The following GPR176 variants were observed in gnomAD, a reference collection of about 807,000 sequenced individuals.
The protein encoded by GPR176 is G protein-coupled receptor 176.
GPR176 carries 26 observed loss-of-function variants against 35.4 expected under a neutral mutation model. That is an observed-to-expected ratio of 0.74 (90% CI 0.54 to 1.02). The LOEUF (loss-of-function observed/expected upper bound fraction) is 1.02. Ranked by LOEUF, GPR176 falls within the 50% of genes least tolerant of loss-of-function variation. The pLI, the probability that GPR176 is intolerant of heterozygous loss-of-function variation, is 0.00. For synonymous variants in GPR176, 278 were observed against 271.3 expected (o/e 1.02, Z -0.24); for missense variants, 597 against 665.3 (o/e 0.90, Z 1.13).
chr15:39,907,662 G>C (rs2033461293), intron 1 of GPR176, among the ~76,000 whole-genome samples: 1 of 152,162 alleles, frequency 6.6e-6, no homozygotes, highest in Non-Finnish European at 1.5e-5. Context: ...ACTGAAGCCG[G>C]TTTATGACCT....
At position 39,875,327 on chromosome 15, in the gene GPR176, A is replaced by G. The variant is rs531414722; in HGVS notation, c.172+44528T>C. Among the ~76,000 whole-genome samples, 8 of 152,306 alleles carry G rather than the reference A, an allele frequency of 5.3e-5. 1 individual carries two copies. In the Middle Eastern group the frequency reaches 0.014, roughly 259 times the overall value. On this transcript the variant is annotated intron_variant, in intron 1 of 2. Transcript: ENST00000561100. ...TGTCTTAGATTATCATGACAATACA[A>G]ATTGGAATTTCTATTGTTTCTTTGA... is the stretch of plus-strand genomic sequence containing the variant.
intron 1 of GPR176, among the ~76,000 whole-genome samples, chr15:39,898,371 A>AC (rs2033180017): frequency 6.6e-6 from 1 of 152,170 alleles, no homozygotes; most frequent in Admixed American, 6.5e-5. Context: ...TTACAGATGC[A>AC]CCCCAGAGAG....
At chr15:39,905,979 G>A (rs976972778) in intron 1 of GPR176, among the ~76,000 whole-genome samples, 1 of 152,060 alleles carries the variant, frequency 6.6e-6, no homozygotes, top group African/African-American at 2.4e-5. Flanking sequence ...GGGGAAACTG[G>A]GTAAAGGATA....
intron 1 of GPR176, among the ~76,000 whole-genome samples, chr15:39,873,861 G>T (rs1254139184): frequency 6.6e-6 from 1 of 151,938 alleles, no homozygotes; most frequent in Non-Finnish European, 1.5e-5. Context: ...TCACCAAGCA[G>T]AAAAGTACAA....
chr15:39,802,784 T>C (rs1446616516), intron 2 of GPR176, among the ~76,000 whole-genome samples: 1 of 152,190 alleles, frequency 6.6e-6, no homozygotes, highest in Non-Finnish European at 1.5e-5. Context: ...CAATTAAAGT[T>C]GTTCAGGGCA....
intron 1 of GPR176, among the ~76,000 whole-genome samples, chr15:39,898,107 A>G (rs1364706270): frequency 6.6e-6 from 1 of 152,074 alleles, no homozygotes; most frequent in Non-Finnish European, 1.5e-5. Context: ...AAAACTTATT[A>G]TCTTTATTTT....
At chr15:39,904,318 G>A (rs57005656) in intron 1 of GPR176, among the ~76,000 whole-genome samples, 1,905 of 152,288 alleles carry the variant, frequency 0.013, 49 homozygotes, top group African/African-American at 0.041. Context: ...AGATGGAGTT[G>A]CTCTGGTTCA....
chr15:39,914,309 CTTTTTTTTTTTT>C (rs5812146), intron 1 of GPR176, among the ~76,000 whole-genome samples: 1 of 71,160 alleles, frequency 1.4e-5, no homozygotes, highest in Non-Finnish European at 2.7e-5. Flanking sequence ...ATATCTTATT[CTTTTTTTTTTTT>C]TTTTTTTTTT....
At position 39,909,911 on chromosome 15, in the gene GPR176, C is replaced by T. The variant is rs966109179; in HGVS notation, c.172+9944G>A. ...ATTTGGCAAGCTAGTCCTTTTAAAG[C>T]CCGAACTCCCTTGCAATCCATTTTC... On this transcript the variant is annotated intron_variant, in intron 1 of 2. Coordinates refer to ENST00000561100, the MANE Select transcript of GPR176 (RefSeq NM_007223.3). The T allele has an allele frequency of 3.1e-6, 3 of 977,196 alleles. No individual in the cohort carries two copies. The African/African-American group carries it at 5.3e-5, about 17-fold the overall frequency. The allele number at this position is 977,196 out of a possible 1,614,324, so 60.5% of individuals were successfully genotyped here. A position where few individuals can be genotyped will look rare whatever the true frequency, so the allele number is the denominator to read the frequency against.
chr15:39,856,117 T>C (rs1263812649), intron 1 of GPR176, among the ~76,000 whole-genome samples: 1 of 152,174 alleles, frequency 6.6e-6, no homozygotes, highest in Non-Finnish European at 1.5e-5. Flanking sequence ...GCCACCTCTC[T>C]GGTCAACATC....
intron 1 of GPR176, among the ~76,000 whole-genome samples, chr15:39,854,064 C>G (rs1304942606): frequency 6.6e-6 from 1 of 151,996 alleles, no homozygotes; most frequent in African/African-American, 2.4e-5. Flanking sequence ...TATTTGCCAC[C>G]AGGAAACTAT....
chr15:39,909,906 T>C, intron 1 of GPR176: 1 of 979,178 alleles, frequency 1.0e-6, no homozygotes, highest in Non-Finnish European at 1.2e-6. Context: ...CTAGTCCTTT[T>C]AAAGCCCGAA....
Position 39,800,805 on chromosome 15 carries a change from C to T in GPR176, c.*327G>A, listed in dbSNP as rs1418575872. On this transcript the variant is annotated 3_prime_UTR_variant, in exon 3 of 3. Coordinates refer to ENST00000561100, the MANE Select transcript of GPR176 (RefSeq NM_007223.3). ...TTCTCTCTGTGTGTTCTCTGCAGAG[C>T]CCAGGGAAGTGAGGCATCCTCAGAA... 4 of 274,060 alleles carry T rather than the reference C, an allele frequency of 1.5e-5. No homozygotes were observed. Among genetic ancestry groups the T allele is most frequent in the African/African-American group, 2.2e-5 (1 of 45,332 alleles). 17.0% of individuals were successfully genotyped at this position (274,060 alleles called of 1,614,324 possible).
At chr15:39,863,363 T>A (rs974221728) in intron 1 of GPR176, among the ~76,000 whole-genome samples, 8 of 151,572 alleles carry the variant, frequency 5.3e-5, no homozygotes, top group African/African-American at 1.9e-4. Context: ...TAAAAATTTT[T>A]AAAATAATTT....
intron 1 of GPR176, among the ~76,000 whole-genome samples, chr15:39,861,637 T>C (rs967397915): frequency 2.0e-5 from 3 of 152,208 alleles, no homozygotes; most frequent in Non-Finnish European, 1.5e-5. Context: ...TTCTTTTTTG[T>C]TCAGGATTTC....
At chr15:39,863,871 C>A (rs951586271) in intron 1 of GPR176, among the ~76,000 whole-genome samples, 1 of 152,124 alleles carries the variant, frequency 6.6e-6, no homozygotes, top group Admixed American at 6.5e-5. Context: ...GTGATGAAAT[C>A]GCCTAATGAC....
rs997865882 is a variant in GPR176, at chr15:39,803,710, C to T, written c.426-1456G>A. 1.1e-4 allele frequency among the ~76,000 whole-genome samples: 17 copies of T among 152,248 alleles called. No individual in the cohort carries two copies. The South Asian group carries it at 1.7e-3, about 15-fold the overall frequency. On this transcript the variant is annotated intron_variant, in intron 2 of 2. Transcript: ENST00000561100. ...ACAAAGATACACACACTAATAATTA[C>T]GAACAAGGAGATGACAGCTCTACTA... is the stretch of plus-strand genomic sequence containing the variant.
chr15:39,910,259 G>A (rs1443816846), intron 1 of GPR176, among the ~76,000 whole-genome samples: 1 of 152,192 alleles, frequency 6.6e-6, no homozygotes, highest in Non-Finnish European at 1.5e-5. Context: ...ATAAGTCAAA[G>A]GTACCTAATT....
chr15:39,860,153 T>G (rs2031500221), intron 1 of GPR176, among the ~76,000 whole-genome samples: 1 of 152,214 alleles, frequency 6.6e-6, no homozygotes, highest in Admixed American at 6.5e-5. Flanking sequence ...ATGAATGAAT[T>G]AACAATGGTG....
Sources: gnomAD v4.1 joint callset for allele counts (sites outside exome capture counted in the v4.1 genomes callset) on GRCh38, gnomAD v4.1.1 for gene constraint, MANE v1.5 for transcripts, NCBI Gene and HGNC (gene_info 2026-07-23, HGNC 2026-07-21) for gene names.